The following PTPN13 variants were observed in gnomAD, a reference collection of about 807,000 sequenced individuals.
PTPN13 encodes tyrosine-protein phosphatase non-receptor type 13.
PTPN13 carries 191 observed loss-of-function variants against 284.0 expected under a neutral mutation model. The ratio of observed to expected loss-of-function variants is 0.67; its 90% CI spans 0.60 to 0.76. PTPN13 has a LOEUF of 0.76. Ranked by LOEUF, PTPN13 falls within the 30% of genes least tolerant of loss-of-function variation. PTPN13 has a pLI of 0.00. For synonymous variants in PTPN13, 986 were observed against 1,022.3 expected (o/e 0.96, Z 0.68); for missense variants, 2,797 against 2,939.9 (o/e 0.95, Z 1.12).
At chr4:86,616,002 A>C (rs555703925) in intron 1 of PTPN13, among the ~76,000 whole-genome samples, 4 of 152,322 alleles carry the variant, frequency 2.6e-5, no homozygotes, top group African/African-American at 9.6e-5. Flanking sequence ...TGTCTGATGC[A>C]GTGCCTTGTA....
chr4:86,634,514 T>C (rs1722800310), intron 1 of PTPN13, among the ~76,000 whole-genome samples: 1 of 152,198 alleles, frequency 6.6e-6, no homozygotes, highest in Non-Finnish European at 1.5e-5. Context: ...ACTTATCTGA[T>C]CTTTTATTAA....
At position 86,775,205 on chromosome 4, in the gene PTPN13, C is replaced by G; in HGVS notation, c.5543C>G (p.Thr1848Arg). Residue 1848 changes from threonine (T) to arginine (R), a missense_variant, in exon 34 of 48, where the codon ACA becomes AGA. Physicochemically the swap from Thr to Arg is moderately conservative, Grantham distance 71. Coordinates refer to ENST00000411767, the MANE Select transcript of PTPN13 (RefSeq NM_080683.3). ...NDTDVTNMTHTDAVNLLRAAS... is the reference protein window; with the variant it reads ...NDTDVTNMTHRDAVNLLRAAS... ...ACAGATGTTACTAATATGACTCATA[C>G]AGATGCAGTTAATCTGCTCCGGGCT... 1 of 1,612,000 alleles carries G rather than the reference C, an allele frequency of 6.2e-7. No homozygotes were observed. The highest frequency in any genetic ancestry group is 1.1e-5 in the South Asian group (1 of 90,500).
chr4:86,789,298 GT>G (rs1467786474), intron 40 of PTPN13, among the ~76,000 whole-genome samples: 1 of 152,128 alleles, frequency 6.6e-6, no homozygotes, highest in Admixed American at 6.5e-5. Flanking sequence ...CTTATGTAGT[GT>G]TTTTAATTTC....
chr4:86,734,483 C>G, intron 13 of PTPN13, 27 bp downstream of exon 13: 1 of 1,500,008 alleles, frequency 6.7e-7, no homozygotes, highest in Non-Finnish European at 8.9e-7. Context: ...TTCTCTTTTG[C>G]TCTTTTTGGA....
intron 2 of PTPN13, among the ~76,000 whole-genome samples, chr4:86,664,543 A>G (rs778743110): frequency 1.3e-5 from 2 of 152,192 alleles, no homozygotes; most frequent in Non-Finnish European, 2.9e-5. Context: ...TTTCAATTAG[A>G]TAATTCTAAT....
chr4:86,610,797 C>T (rs1765194929), intron 1 of PTPN13, among the ~76,000 whole-genome samples: 1 of 152,184 alleles, frequency 6.6e-6, no homozygotes, highest in Admixed American at 6.5e-5. Flanking sequence ...AGTTTATGCC[C>T]TAGATTATCT....
chr4:86,800,944 CT>C (rs1189427730), intron 42 of PTPN13, among the ~76,000 whole-genome samples: 1 of 152,092 alleles, frequency 6.6e-6, no homozygotes, highest in Non-Finnish European at 1.5e-5. Context: ...AAATGTTAAC[CT>C]TTTAGGTGTC....
At chr4:86,627,939 AT>A (rs1026188795) in intron 1 of PTPN13, among the ~76,000 whole-genome samples, 1 of 151,744 alleles carries the variant, frequency 6.6e-6, no homozygotes, top group Non-Finnish European at 1.5e-5. Context: ...ATATACTAAG[AT>A]TTTTTTTTGT....
chr4:86,594,536 G>C lies in PTPN13; in HGVS notation c.-259G>C, dbSNP rs1017638850. The C allele has an allele frequency of 6.5e-6, 1 of 152,690 alleles. No individual in the cohort carries two copies. The highest frequency in any genetic ancestry group is 2.4e-5 in the African/African-American group (1 of 41,478). 9.5% of individuals were successfully genotyped at this position (152,690 alleles called of 1,614,324 possible). On this transcript the variant is annotated 5_prime_UTR_variant, in exon 1 of 48. Transcript: ENST00000411767. ...GGCGGGGGTGCGTTGAGCGCTCGGG[G>C]GTCAGGCAGTCGGCCGGGATCGCCG...
intron 31 of PTPN13, among the ~76,000 whole-genome samples, 173 bp downstream of exon 31, chr4:86,771,708 CA>C (rs1740022519): frequency 6.6e-6 from 1 of 152,204 alleles, no homozygotes; most frequent in South Asian, 2.1e-4. Flanking sequence ...TTTTAGTTAG[CA>C]AACCAATAAG....
chr4:86,662,626 A>G (rs185000375), intron 2 of PTPN13, among the ~76,000 whole-genome samples: 2 of 152,170 alleles, frequency 1.3e-5, no homozygotes, highest in Admixed American at 6.5e-5. Context: ...CACCGTGCCC[A>G]GCTGTTATAT....
chr4:86,669,282 G>GATATATATAT (rs1400924021), intron 2 of PTPN13, among the ~76,000 whole-genome samples: 2 of 45,818 alleles, frequency 4.4e-5, no homozygotes, highest in African/African-American at 7.5e-5. Flanking sequence ...TTGGGAAGAA[G>GATATATATAT]ATGTATATAT....
chr4:86,625,149 T>G (rs556920473), intron 1 of PTPN13, among the ~76,000 whole-genome samples: 2 of 152,254 alleles, frequency 1.3e-5, no homozygotes, highest in South Asian at 4.1e-4. Context: ...TCTTTGTGAC[T>G]TTACCTATTG....
intron 7 of PTPN13, among the ~76,000 whole-genome samples, 165 bp from the exon 8 acceptor site, chr4:86,716,365 A>C (rs1440615400): frequency 6.6e-6 from 1 of 152,190 alleles, no homozygotes; most frequent in Non-Finnish European, 1.5e-5. Context: ...TAACCAGTAT[A>C]CTAAACCCAT....
intron 43 of PTPN13, among the ~76,000 whole-genome samples, chr4:86,804,158 A>G (rs1037827630): frequency 1.3e-5 from 2 of 151,908 alleles, no homozygotes; most frequent in African/African-American, 2.4e-5. Context: ...AATTTCAACC[A>G]TGCACTAAAC....
intron 3 of PTPN13, among the ~76,000 whole-genome samples, chr4:86,682,039 T>C (rs1001107693): frequency 1.3e-5 from 2 of 152,232 alleles, no homozygotes. Context: ...TATATTCTAA[T>C]ACATATAATA....
intron 9 of PTPN13, among the ~76,000 whole-genome samples, chr4:86,719,086 C>A (rs1170162649): frequency 6.6e-6 from 1 of 152,070 alleles, no homozygotes; most frequent in African/African-American, 2.4e-5. Flanking sequence ...AGGTATTAAG[C>A]CCAGTACACA....
intron 40 of PTPN13, among the ~76,000 whole-genome samples, chr4:86,791,353 T>C (rs561287775): frequency 3.7e-4 from 56 of 152,268 alleles, no homozygotes; most frequent in Non-Finnish European, 7.1e-4. Context: ...CCGGGAAGCT[T>C]GAACAGGGCA....
chr4:86,793,696 A>G (rs529680887), intron 40 of PTPN13, among the ~76,000 whole-genome samples: 7 of 152,254 alleles, frequency 4.6e-5, no homozygotes, highest in Non-Finnish European at 8.8e-5. Context: ...CAGGATTAAT[A>G]AACTTACTCA....
Sources: gnomAD v4.1 joint callset for allele counts (sites outside exome capture counted in the v4.1 genomes callset) on GRCh38, gnomAD v4.1.1 for gene constraint, MANE v1.5 for transcripts, NCBI Gene and HGNC (gene_info 2026-07-23, HGNC 2026-07-21) for gene names.